Variants in GRIN2B observed in about 807,000 individuals in gnomAD.
The protein encoded by GRIN2B is glutamate receptor ionotropic, NMDA 2B.
Under a neutral mutation model 114.5 loss-of-function variants are expected in GRIN2B, and 5 were observed. The observed-to-expected ratio is 0.04, with a 90% confidence interval of 0.02 to 0.09. The LOEUF is 0.09. Among genes scored for constraint, GRIN2B ranks in the 10% least tolerant of loss-of-function variants. The pLI, the probability that GRIN2B is intolerant of heterozygous loss-of-function variation, is 1.00. For synonymous variants in GRIN2B, 787 were observed against 745.1 expected (o/e 1.06, Z -0.92); for missense variants, 1,108 against 1,943.5 (o/e 0.57, Z 8.08).
At chr12:13,717,206 A>ATATAGTTAAATAG (rs1950463550) in intron 4 of GRIN2B, among the ~76,000 whole-genome samples, 1 of 151,576 alleles carries the variant, frequency 6.6e-6, no homozygotes, top group African/African-American at 2.4e-5. Context: ...TTAAATAGCT[A>ATATAGTTAAATAG]CTAAGTGGTT....
chr12:13,783,946 G>A (rs957206465), intron 3 of GRIN2B, among the ~76,000 whole-genome samples: 6 of 151,980 alleles, frequency 3.9e-5, no homozygotes, highest in East Asian at 1.9e-4. Context: ...TATCCCGGCC[G>A]GGCGCGGTGG....
At chr12:13,673,259 A>G (rs1950040012) in intron 5 of GRIN2B, among the ~76,000 whole-genome samples, 1 of 152,168 alleles carries the variant, frequency 6.6e-6, no homozygotes. Flanking sequence ...ACATCATGAC[A>G]TGTACAGGGG....
rs544761511 is a variant in GRIN2B, at chr12:13,716,459, T to C, written c.1010+36858A>G. ...GTGGAGCTATCTCACAGTGGCACCT[T>C]ATACAGGGTATTTCTGACTTTGAAT... On this transcript the variant is annotated intron_variant, in intron 4 of 13. Transcript: ENST00000609686. Among the ~76,000 whole-genome samples, 12 of 152,008 alleles carry C rather than the reference T, an allele frequency of 7.9e-5. No individual in the cohort carries two copies. The South Asian group carries it at 2.5e-3, about 32-fold the overall frequency.
intron 4 of GRIN2B, among the ~76,000 whole-genome samples, chr12:13,736,860 A>G (rs960368357): frequency 3.3e-5 from 5 of 151,894 alleles, no homozygotes; most frequent in African/African-American, 9.7e-5. Flanking sequence ...TTTCTACTAA[A>G]AATGCAAAAA....
At chr12:13,906,743 A>G (rs1866541714) in intron 2 of GRIN2B, among the ~76,000 whole-genome samples, 1 of 152,352 alleles carries the variant, frequency 6.6e-6, no homozygotes, top group South Asian at 2.1e-4. Context: ...TAGCAATGTC[A>G]TTGTCAAAAT....
chr12:13,769,046 A>T (rs1175280853), intron 3 of GRIN2B, among the ~76,000 whole-genome samples: 1 of 152,118 alleles, frequency 6.6e-6, no homozygotes, highest in Non-Finnish European at 1.5e-5. Flanking sequence ...AAAATAAATA[A>T]AATAAAATAA....
chr12:13,977,458 A>C (rs931220173), intron 2 of GRIN2B: 1 of 152,048 alleles, frequency 6.6e-6, no homozygotes, highest in Non-Finnish European at 1.5e-5. Flanking sequence ...GAAATCACCC[A>C]CCTAATGTCC....
intron 3 of GRIN2B, among the ~76,000 whole-genome samples, chr12:13,805,726 C>G (rs74825056): frequency 6.6e-6 from 1 of 152,114 alleles, no homozygotes; most frequent in African/African-American, 2.4e-5. Context: ...ACATACTTAT[C>G]ATTTTTCTGT....
chr12:13,805,651 A>T (rs961640254), intron 3 of GRIN2B, among the ~76,000 whole-genome samples: 2 of 152,094 alleles, frequency 1.3e-5, no homozygotes, highest in African/African-American at 4.8e-5. Context: ...GTACTACATG[A>T]TGTTTTGATA....
At chr12:13,944,481 C>G (rs1448840490) in intron 2 of GRIN2B, among the ~76,000 whole-genome samples, 1 of 152,208 alleles carries the variant, frequency 6.6e-6, no homozygotes, top group African/African-American at 2.4e-5. Context: ...TGCTCTGTAG[C>G]CAGGTTCTTG....
rs1236489447 is a variant in GRIN2B at position 13,549,736 on chromosome 12, T to C, written c.*13047A>G. ...AAATTATTCACAATATCTTACCCTA[T>C]AGAATTCAAAAACATTTTTATTTGA... On this transcript the variant is annotated 3_prime_UTR_variant, in exon 14 of 14. Transcript: ENST00000609686. The C allele has an allele frequency of 3.9e-5, 6 of 152,196 alleles. No individual in the cohort carries two copies. The South Asian group carries it at 6.2e-4, about 16-fold the overall frequency. The allele number at this position is 152,196 out of a possible 1,614,324, so 9.4% of individuals were successfully genotyped here.
intron 9 of GRIN2B, among the ~76,000 whole-genome samples, chr12:13,610,196 A>T (rs1277176869): frequency 6.6e-6 from 1 of 152,222 alleles, no homozygotes; most frequent in Non-Finnish European, 1.5e-5. Flanking sequence ...ACAGATGTGT[A>T]ACTAAAACGT....
In GRIN2B at chr12:13,824,902, T is replaced by C. The variant is rs370560854; in HGVS notation, c.411+40896A>G. Among the ~76,000 whole-genome samples, 309 of 152,012 alleles carry C rather than the reference T, an allele frequency of 2.0e-3. 1 individual carries two copies. Among genetic ancestry groups the C allele is most frequent in the African/African-American group, 7.0e-3 (289 of 41,504 alleles). ...AATCCAGCTTTAGGTTTTACTGATT[T>C]TCTTTAATTTGTGTATACTCTACTT... On this transcript the variant is annotated intron_variant, in intron 3 of 13. Transcript: ENST00000609686.
At chr12:13,909,229 T>C (rs541254319) in intron 2 of GRIN2B, among the ~76,000 whole-genome samples, 2 of 152,322 alleles carry the variant, frequency 1.3e-5, no homozygotes, top group South Asian at 4.1e-4. Context: ...ACTGCTTACA[T>C]GTATAGAAGA....
intron 5 of GRIN2B, among the ~76,000 whole-genome samples, chr12:13,668,349 A>G (rs1325736411): frequency 1.3e-5 from 2 of 152,166 alleles, no homozygotes; most frequent in Admixed American, 6.5e-5. Context: ...CTATTCCCCC[A>G]ATACATCCTG....
At chr12:13,965,506 T>C (rs1174944185) in intron 2 of GRIN2B, among the ~76,000 whole-genome samples, 1 of 152,044 alleles carries the variant, frequency 6.6e-6, no homozygotes, top group Non-Finnish European at 1.5e-5. Flanking sequence ...TCCTCTCCAA[T>C]TTTATGTTGG....
At chr12:13,711,088 T>C (rs1276886787) in intron 4 of GRIN2B, among the ~76,000 whole-genome samples, 1 of 152,108 alleles carries the variant, frequency 6.6e-6, no homozygotes, top group Non-Finnish European at 1.5e-5. Context: ...TCTACAACCA[T>C]CTGATCTTTG....
intron 4 of GRIN2B, among the ~76,000 whole-genome samples, chr12:13,736,468 G>T (rs1449366961): frequency 6.6e-6 from 1 of 152,044 alleles, no homozygotes; most frequent in African/African-American, 2.4e-5. Flanking sequence ...AAATGTCCAG[G>T]TCTTAAATTG....
chr12:13,815,601 A>G (rs572420298), intron 3 of GRIN2B, among the ~76,000 whole-genome samples: 1 of 152,288 alleles, frequency 6.6e-6, no homozygotes, highest in South Asian at 2.1e-4. Context: ...CTGATAAAGG[A>G]CTTTGGGGAG....
Sources: allele counts gnomAD v4.1 joint callset (sites outside exome capture counted in the v4.1 genomes callset), GRCh38; gene constraint gnomAD v4.1.1; transcripts MANE v1.5; gene names NCBI Gene and HGNC (gene_info 2026-07-23, HGNC 2026-07-21).